Variants in COL24A1 observed in about 807,000 individuals in gnomAD.
COL24A1 encodes collagen alpha-1(XXIV) chain.
A neutral mutation model predicts 253.9 loss-of-function variants in COL24A1; 224 were observed. The ratio of observed to expected loss-of-function variants is 0.88; its 90% CI spans 0.79 to 0.99. COL24A1 has a LOEUF of 0.99. Ranked by LOEUF, COL24A1 falls within the 50% of genes least tolerant of loss-of-function variation. The pLI, the probability that COL24A1 is intolerant of heterozygous loss-of-function variation, is 0.00. For missense variants in COL24A1, 2,131 were observed against 2,068.5 expected, an observed-to-expected ratio of 1.03 and a Z score of -0.59; for synonymous variants, 685 against 673.7, an observed-to-expected ratio of 1.02 and a Z score of -0.26.
chr1:85,792,331 C>T (rs1433620557), intron 47 of COL24A1, among the ~76,000 whole-genome samples: 1 of 151,550 alleles, frequency 6.6e-6, no homozygotes, highest in African/African-American at 2.4e-5. Flanking sequence ...CCATGGGAAT[C>T]CCTTTAAAAA....
chr1:85,747,293 T>C (rs979363702), intron 55 of COL24A1, among the ~76,000 whole-genome samples: 3 of 151,704 alleles, frequency 2.0e-5, no homozygotes, highest in Admixed American at 1.3e-4. Flanking sequence ...TTTGTATTTT[T>C]GGTAGAGATG....
rs1161744808 is a variant in COL24A1, at chr1:85,828,656, T to G, written c.3682-4918A>C. On this transcript the variant is annotated intron_variant, in intron 43 of 59. Coordinates refer to ENST00000370571, the MANE Select transcript of COL24A1 (RefSeq NM_152890.7). Reference sequence around the variant, plus strand: ...GGATAGTTAGCTCTTCTTGTTGAATTGATCCCTTTACCATTTTGTAATGGC... The same window carrying G: ...GGATAGTTAGCTCTTCTTGTTGAATGGATCCCTTTACCATTTTGTAATGGC... 9.9e-3 allele frequency among the ~76,000 whole-genome samples: 1,333 copies of G among 134,616 alleles called. 26 individuals carry two copies. The highest frequency in any genetic ancestry group is 0.034 in the African/African-American group (1,264 of 36,644). 88.3% of individuals were successfully genotyped at this position (134,616 alleles called of 152,430 possible).
chr1:85,945,000 GTGTTTTTTTTTTTTT>G (rs1195183541), intron 24 of COL24A1, among the ~76,000 whole-genome samples: 9 of 36,126 alleles, frequency 2.5e-4, no homozygotes, highest in African/African-American at 5.8e-4. Flanking sequence ...GTCTATCATT[GTGTTTTTTTTTTTTT>G]TTTTTTTTTT....
intron 28 of COL24A1, among the ~76,000 whole-genome samples, chr1:85,902,244 C>T (rs1370303212): frequency 1.3e-5 from 2 of 152,150 alleles, no homozygotes; most frequent in African/African-American, 4.8e-5. Flanking sequence ...ATAAAGATCC[C>T]TCTGGGAGGG....
At chr1:86,093,304 C>G (rs1389162030) in intron 5 of COL24A1, among the ~76,000 whole-genome samples, 3 of 151,906 alleles carry the variant, frequency 2.0e-5, no homozygotes, top group Non-Finnish European at 4.4e-5. Flanking sequence ...AAAAATTCTA[C>G]ATTGTGTAAG....
chr1:85,942,555 T>C (rs1028638341), intron 24 of COL24A1, among the ~76,000 whole-genome samples: 3 of 152,182 alleles, frequency 2.0e-5, no homozygotes, highest in Admixed American at 2.0e-4. Context: ...TTACATTAGT[T>C]AGTGCCAATC....
At chr1:85,848,676 T>C (rs1031246740) in intron 38 of COL24A1, among the ~76,000 whole-genome samples, 2 of 152,188 alleles carry the variant, frequency 1.3e-5, no homozygotes, top group Admixed American at 6.5e-5. Flanking sequence ...TATTCTTCAT[T>C]TTCCTAAGTG....
In COL24A1 at chr1:85,761,517, G is replaced by A; in HGVS notation, c.4410+14C>T. 1 of 1,614,030 alleles carries A rather than the reference G, an allele frequency of 6.2e-7. No individual in the cohort carries two copies. On this transcript the variant is annotated intron_variant, in intron 54 of 59. Coordinates refer to ENST00000370571, the MANE Select transcript of COL24A1 (RefSeq NM_152890.7). ...GCATCAATGGTAAACAGATATAAAT[G>A]AAAACCAACTCACTGGAGGCCCTGG...
chr1:85,944,735 C>T (rs1689090241), intron 24 of COL24A1, among the ~76,000 whole-genome samples: 1 of 152,030 alleles, frequency 6.6e-6, no homozygotes, highest in African/African-American at 2.4e-5. Context: ...TCTCCTAATG[C>T]TATCCCTCCC....
intron 2 of COL24A1, among the ~76,000 whole-genome samples, chr1:86,129,192 A>G (rs539518709): frequency 6.6e-6 from 1 of 151,944 alleles, no homozygotes; most frequent in South Asian, 2.1e-4. Context: ...CTATGAAATA[A>G]TAAATTTCCT....
At chr1:85,842,798 T>C (rs1292030533) in intron 39 of COL24A1, among the ~76,000 whole-genome samples, 1 of 152,132 alleles carries the variant, frequency 6.6e-6, no homozygotes, top group East Asian at 1.9e-4. Context: ...CAGAACTCCA[T>C]ACTCATTGTT....
chr1:86,081,505 T>C (rs1271098012), intron 7 of COL24A1, among the ~76,000 whole-genome samples: 2 of 152,208 alleles, frequency 1.3e-5, no homozygotes, highest in African/African-American at 4.8e-5. Context: ...ACTCCTTTAT[T>C]TGCTGTTCTT....
rs951686013 is a variant in COL24A1, at chr1:86,146,023, G to A, written c.121+96C>T. On this transcript the variant is annotated intron_variant, in intron 2 of 59. Coordinates refer to ENST00000370571, the MANE Select transcript of COL24A1 (RefSeq NM_152890.7). Reference sequence around the variant, plus strand: ...GGAATTTTTGTTATTGTTTAATGTTGAATTTACAGTTATAATGAGTTGAAA... The same window carrying A: ...GGAATTTTTGTTATTGTTTAATGTTAAATTTACAGTTATAATGAGTTGAAA... The A allele has an allele frequency of 3.9e-6, 4 of 1,016,764 alleles. No homozygotes were observed. The African/African-American group carries it at 4.9e-5, about 12-fold the overall frequency. The allele number at this position is 1,016,764 out of a possible 1,614,324, so 63.0% of individuals were successfully genotyped here.
At chr1:85,766,173 C>T (rs1040836617) in intron 53 of COL24A1, among the ~76,000 whole-genome samples, 7 of 151,710 alleles carry the variant, frequency 4.6e-5, no homozygotes, top group Non-Finnish European at 1.0e-4. Flanking sequence ...CAAGACTGGC[C>T]TGGGCAACAT....
At chr1:85,822,594 A>G (rs1673760500) in intron 45 of COL24A1, among the ~76,000 whole-genome samples, 1 of 152,196 alleles carries the variant, frequency 6.6e-6, no homozygotes, top group Non-Finnish European at 1.5e-5. Context: ...TGAAAAAACA[A>G]CTTTCAAACC....
chr1:86,018,397 T>G (rs1240641254), intron 18 of COL24A1, among the ~76,000 whole-genome samples: 1 of 152,176 alleles, frequency 6.6e-6, no homozygotes, highest in Admixed American at 6.6e-5. Context: ...AAACAAAATC[T>G]GTGATCCATC....
chr1:85,995,856 G>A (rs777758889), intron 19 of COL24A1, among the ~76,000 whole-genome samples: 32 of 152,082 alleles, frequency 2.1e-4, no homozygotes, highest in African/African-American at 7.2e-4. Flanking sequence ...CTCCGGCCAC[G>A]TAAGATGTTT....
At chr1:85,797,461 G>A (rs1014474294) in intron 47 of COL24A1, among the ~76,000 whole-genome samples, 21 of 152,254 alleles carry the variant, frequency 1.4e-4, no homozygotes, top group African/African-American at 4.8e-4. Flanking sequence ...AAGTTAGAGG[G>A]AAAAATGGAA....
At chr1:86,029,259 A>G (rs1698326530) in intron 14 of COL24A1, among the ~76,000 whole-genome samples, 1 of 152,164 alleles carries the variant, frequency 6.6e-6, no homozygotes, top group African/African-American at 2.4e-5. Flanking sequence ...GTACAGACCA[A>G]CGAAATTCTG....
Sources: allele counts gnomAD v4.1 joint callset (sites outside exome capture counted in the v4.1 genomes callset), GRCh38; gene constraint gnomAD v4.1.1; transcripts MANE v1.5; gene names NCBI Gene and HGNC (gene_info 2026-07-23, HGNC 2026-07-21).